Variants in VTI1A observed in about 807,000 individuals in gnomAD.
VTI1A encodes the protein vesicle transport through interaction with t-SNAREs 1A, also known as vesicle transport through interaction with t-SNAREs homolog 1A.
VTI1A carries 22 observed loss-of-function variants against 34.9 expected under a neutral mutation model. That is an observed-to-expected ratio of 0.63 (90% CI 0.45 to 0.90). VTI1A has a LOEUF of 0.90. Among genes scored for constraint, VTI1A ranks in the 40% least tolerant of loss-of-function variants. VTI1A has a pLI of 0.00. For synonymous variants in VTI1A, 87 were observed against 97.3 expected (o/e 0.89, Z 0.62); for missense variants, 268 against 275.6 (o/e 0.97, Z 0.20).
At chr10:112,477,047 A>G (rs1002184668) in intron 3 of VTI1A, among the ~76,000 whole-genome samples, 2 of 152,326 alleles carry the variant, frequency 1.3e-5, no homozygotes, top group South Asian at 2.1e-4. Context: ...TTATACAAGA[A>G]GTTAAATTGG....
chr10:112,627,015 T>A (rs913686596), intron 5 of VTI1A, among the ~76,000 whole-genome samples: 2 of 152,246 alleles, frequency 1.3e-5, no homozygotes, highest in Admixed American at 6.5e-5. Flanking sequence ...ACTTATCTAA[T>A]GTTTATTATC....
intron 3 of VTI1A, among the ~76,000 whole-genome samples, chr10:112,516,196 C>G (rs931459677): frequency 3.9e-5 from 6 of 151,984 alleles, no homozygotes; most frequent in Admixed American, 1.3e-4. Context: ...ATCAGACAAA[C>G]AAAGAAGAAA....
In VTI1A at chr10:112,625,640, C is replaced by CA. The variant is rs766419906; in HGVS notation, c.428-42566dup. ...GGGCAACAAGAGTGAAACTCTGTCT[C>CA]AAAAAAAAAAAAGGAAAACCAAACA... On this transcript the variant is annotated intron_variant, in intron 5 of 7. Transcript: ENST00000393077. 4.7e-4 allele frequency among the ~76,000 whole-genome samples: 39 copies of CA among 82,580 alleles called. 1 individual carries two copies. Among genetic ancestry groups the CA allele is most frequent in the South Asian group, 6.7e-4 (2 of 2,986 alleles). 54.2% of individuals were successfully genotyped at this position (82,580 alleles called of 152,430 possible).
chr10:112,852,405 T>C, the VTI1A span, among the ~76,000 whole-genome samples: 1 of 152,218 alleles, frequency 6.6e-6, no homozygotes, highest in African/African-American at 2.4e-5. Flanking sequence ...AAATTATTGC[T>C]GTATCTCTTT....
intron 3 of VTI1A, among the ~76,000 whole-genome samples, chr10:112,511,710 C>T (rs535615319): frequency 1.3e-5 from 2 of 152,202 alleles, no homozygotes; most frequent in African/African-American, 4.8e-5. Context: ...CATCCTCCCT[C>T]CTCCTCCTCC....
intron 7 of VTI1A, among the ~76,000 whole-genome samples, chr10:112,730,803 TG>T (rs1464861163): frequency 1.3e-5 from 2 of 152,248 alleles, no homozygotes; most frequent in South Asian, 4.1e-4. Flanking sequence ...AAAAAAAATT[TG>T]GAAAAACAAA....
At chr10:112,557,028 T>A (rs561145901) in intron 5 of VTI1A, among the ~76,000 whole-genome samples, 2 of 152,238 alleles carry the variant, frequency 1.3e-5, no homozygotes, top group South Asian at 4.1e-4. Context: ...TACTGATATA[T>A]TAATGGTTTG....
intron 3 of VTI1A, among the ~76,000 whole-genome samples, chr10:112,494,804 G>T (rs146368641): frequency 9.8e-4 from 149 of 152,248 alleles, no homozygotes; most frequent in African/African-American, 3.4e-3. Flanking sequence ...ATGAGCCACC[G>T]CACCCAGCCA....
At chr10:112,740,836 A>T (rs1183052671) in intron 7 of VTI1A, among the ~76,000 whole-genome samples, 1 of 152,218 alleles carries the variant, frequency 6.6e-6, no homozygotes, top group African/African-American at 2.4e-5. Context: ...TGTATCCAAG[A>T]CCCATGAAAA....
Position 112,817,694 on chromosome 10 carries a change from C to G in VTI1A, c.*2311C>G, listed in dbSNP as rs1453833906. 4.4e-6 allele frequency: 1 copy of G among 228,954 alleles called. No homozygotes were observed. Among genetic ancestry groups the G allele is most frequent in the Non-Finnish European group, 8.7e-6 (1 of 115,404 alleles). 14.2% of individuals were successfully genotyped at this position (228,954 alleles called of 1,614,324 possible). A position where few individuals can be genotyped will look rare whatever the true frequency, so the allele number is the denominator to read the frequency against. On this transcript the variant is annotated 3_prime_UTR_variant, in exon 8 of 8. Transcript: ENST00000393077. ...GGATCCCCAGCAGAGGCCAATTGCT[C>G]TCCTTCCTTCCCTGCCCCACCAGGA...
intron 5 of VTI1A, among the ~76,000 whole-genome samples, chr10:112,582,870 A>G (rs1021358333): frequency 6.6e-6 from 1 of 152,056 alleles, no homozygotes; most frequent in Non-Finnish European, 1.5e-5. Flanking sequence ...TTTGAAGAAC[A>G]CCAGTAAGTA....
intron 5 of VTI1A, among the ~76,000 whole-genome samples, chr10:112,579,058 T>C (rs1184891554): frequency 6.6e-6 from 1 of 152,248 alleles, no homozygotes; most frequent in African/African-American, 2.4e-5. Context: ...TTCTGGTACA[T>C]GGAAACTTAC....
intron 7 of VTI1A, among the ~76,000 whole-genome samples, chr10:112,716,931 C>G (rs1849631685): frequency 6.6e-6 from 1 of 152,188 alleles, no homozygotes; most frequent in African/African-American, 2.4e-5. Flanking sequence ...CTTAGAGGGG[C>G]TGTAGGTTCC....
chr10:112,694,969 CTAAA>C (rs565452984), intron 7 of VTI1A, among the ~76,000 whole-genome samples: 1 of 151,734 alleles, frequency 6.6e-6, no homozygotes, highest in African/African-American at 2.4e-5. Flanking sequence ...ACTCTGTCTC[CTAAA>C]TAAATAAATA....
intron 7 of VTI1A, among the ~76,000 whole-genome samples, chr10:112,741,621 T>G (rs1850697907): frequency 6.6e-6 from 1 of 152,162 alleles, no homozygotes; most frequent in African/African-American, 2.4e-5. Context: ...TAAAACTGTT[T>G]ACAAATGAAG....
At chr10:112,594,185 G>T (rs1844521874) in intron 5 of VTI1A, among the ~76,000 whole-genome samples, 2 of 152,158 alleles carry the variant, frequency 1.3e-5, no homozygotes, top group Non-Finnish European at 2.9e-5. Context: ...GGGATTACAG[G>T]CGTGAGCCAC....
chr10:112,626,027 A>G (rs1207911689), intron 5 of VTI1A, among the ~76,000 whole-genome samples: 3 of 152,240 alleles, frequency 2.0e-5, no homozygotes. Flanking sequence ...TTTCCCCAAG[A>G]AAATGTCAGG....
chr10:112,564,316 A>C (rs1362197246), intron 5 of VTI1A, among the ~76,000 whole-genome samples: 2 of 152,120 alleles, frequency 1.3e-5, no homozygotes, highest in Non-Finnish European at 2.9e-5. Context: ...TAGAAAGAAA[A>C]GATGAAGTAA....
intron 7 of VTI1A, among the ~76,000 whole-genome samples, chr10:112,811,267 CA>C (rs1209304058): frequency 6.6e-6 from 1 of 152,162 alleles, no homozygotes; most frequent in Non-Finnish European, 1.5e-5. Flanking sequence ...CCTCCCTCCC[CA>C]AATCAAAACC....
Sources: allele counts gnomAD v4.1 joint callset (sites outside exome capture counted in the v4.1 genomes callset), GRCh38; gene constraint gnomAD v4.1.1; transcripts MANE v1.5; gene names NCBI Gene and HGNC (gene_info 2026-07-23, HGNC 2026-07-21).